The following SGCZ variants were observed in gnomAD, a reference collection of about 807,000 sequenced individuals.
The protein encoded by SGCZ is sarcoglycan zeta, also known as zeta-sarcoglycan.
SGCZ carries 40 observed loss-of-function variants against 41.3 expected under a neutral mutation model. The observed-to-expected ratio is 0.97, with a 90% CI of 0.75 to 1.26. SGCZ has a LOEUF of 1.26. Ranked by LOEUF, SGCZ falls within the 50% of genes most tolerant of loss-of-function variation. The pLI, the probability that SGCZ is intolerant of heterozygous loss-of-function variation, is 0.00. For synonymous variants in SGCZ, 206 were observed against 137.5 expected (o/e 1.50, Z -3.49); for missense variants, 552 against 369.8 (o/e 1.49, Z -4.04).
chr8:14,666,528 C>A (rs978644122), intron 1 of SGCZ, among the ~76,000 whole-genome samples: 1 of 152,114 alleles, frequency 6.6e-6, no homozygotes, highest in African/African-American at 2.4e-5. Context: ...CAAATAATAT[C>A]TCAATTACAT....
At chr8:14,364,110 T>C (rs1410284261) in intron 2 of SGCZ, among the ~76,000 whole-genome samples, 1 of 152,180 alleles carries the variant, frequency 6.6e-6, no homozygotes. Context: ...AAATATATAG[T>C]GTAGTTTATT....
chr8:14,713,513 C>G (rs1192845042), intron 1 of SGCZ, among the ~76,000 whole-genome samples: 1 of 152,132 alleles, frequency 6.6e-6, no homozygotes, highest in Non-Finnish European at 1.5e-5. Context: ...AACTGACTCA[C>G]ACTTTACACG....
At chr8:14,915,097 C>T (rs1334704411) in intron 1 of SGCZ, among the ~76,000 whole-genome samples, 1 of 151,984 alleles carries the variant, frequency 6.6e-6, no homozygotes, top group East Asian at 1.9e-4. Flanking sequence ...CTTTTTCTAC[C>T]CTCTTTCATG....
chr8:15,069,618 A>T (rs982482427), intron 1 of SGCZ, among the ~76,000 whole-genome samples: 1 of 152,218 alleles, frequency 6.6e-6, no homozygotes, highest in Non-Finnish European at 1.5e-5. Flanking sequence ...AGTTCTGATC[A>T]TGGTAGCCTA....
intron 1 of SGCZ, among the ~76,000 whole-genome samples, chr8:14,673,465 A>ACTCT (rs142795356): frequency 7.5e-6 from 1 of 133,844 alleles, no homozygotes; most frequent in Non-Finnish European, 1.6e-5. Context: ...TCTCTCTCTC[A>ACTCT]CTCTCTCTCT....
At chr8:15,101,285 T>C (rs1478865490) in intron 1 of SGCZ, among the ~76,000 whole-genome samples, 1 of 151,992 alleles carries the variant, frequency 6.6e-6, no homozygotes, top group Non-Finnish European at 1.5e-5. Context: ...TAGACACTGG[T>C]AAAGGAATGA....
chr8:14,641,776 T>C (rs78883306), intron 1 of SGCZ, among the ~76,000 whole-genome samples: 5,609 of 151,624 alleles, frequency 0.037, 143 homozygotes, highest in Middle Eastern at 0.082. Context: ...TATGGGCTAG[T>C]AAAACTGTAG....
At chr8:15,094,317 T>C (rs1046778855) in intron 1 of SGCZ, among the ~76,000 whole-genome samples, 1 of 152,078 alleles carries the variant, frequency 6.6e-6, no homozygotes, top group Non-Finnish European at 1.5e-5. Context: ...GTATCTTTAG[T>C]AGAGACTGCA....
In SGCZ at chr8:14,633,581, C is replaced by T. The variant is rs116646765; in HGVS notation, c.40-78655G>A. 8.8e-3 allele frequency among the ~76,000 whole-genome samples: 1,336 copies of T among 151,976 alleles called. 19 individuals carry two copies. Among genetic ancestry groups the T allele is most frequent in the African/African-American group, 0.03 (1,266 of 41,526 alleles). ...ATTACAGGAACTATATTTTACACAA[C>T]TTTCTGGGTGTAGGGAAATCCACTG... On this transcript the variant is annotated intron_variant, in intron 1 of 7. Transcript: ENST00000382080.
chr8:14,599,453 C>T (rs1486155724), intron 1 of SGCZ, among the ~76,000 whole-genome samples: 1 of 152,140 alleles, frequency 6.6e-6, no homozygotes, highest in African/African-American at 2.4e-5. Context: ...GACTGGTCTC[C>T]CATTAATTTC....
chr8:14,735,992 G>C (rs1201344797), intron 1 of SGCZ, among the ~76,000 whole-genome samples: 1 of 152,072 alleles, frequency 6.6e-6, no homozygotes, highest in Admixed American at 6.6e-5. Context: ...GTGTAAATGA[G>C]TATGGAGATT....
intron 3 of SGCZ, among the ~76,000 whole-genome samples, chr8:14,247,545 C>G (rs1278333814): frequency 3.3e-5 from 5 of 152,192 alleles, no homozygotes; most frequent in Admixed American, 1.3e-4. Context: ...GGGAATAGTA[C>G]TATCTCTATC....
chr8:14,890,302 A>G (rs1247882958), intron 1 of SGCZ, among the ~76,000 whole-genome samples: 2 of 152,136 alleles, frequency 1.3e-5, no homozygotes, highest in African/African-American at 4.8e-5. Flanking sequence ...GAAAGAAACG[A>G]AAGAAAAGAA....
chr8:14,673,827 A>T (rs577451115), intron 1 of SGCZ, among the ~76,000 whole-genome samples: 3 of 152,174 alleles, frequency 2.0e-5, no homozygotes, highest in Non-Finnish European at 4.4e-5. Context: ...TAGGCCCTAA[A>T]ATTAATGCAA....
At chr8:14,501,362 C>T (rs1186114410) in intron 2 of SGCZ, among the ~76,000 whole-genome samples, 3 of 151,924 alleles carry the variant, frequency 2.0e-5, no homozygotes. Context: ...CTAACATAGT[C>T]ACAGTTTCTG....
intron 1 of SGCZ, among the ~76,000 whole-genome samples, chr8:15,073,334 C>T (rs918119545): frequency 2.6e-5 from 4 of 151,930 alleles, no homozygotes; most frequent in Non-Finnish European, 5.9e-5. Flanking sequence ...TTTTATTTTC[C>T]GAGTTGCTGA....
chr8:14,892,282 G>C lies in SGCZ; in HGVS notation c.40-337356C>G, dbSNP rs115783184. Among the ~76,000 whole-genome samples the C allele has an allele frequency of 9.0e-3, 1,367 of 152,210 alleles. 15 individuals are homozygous for C. Among genetic ancestry groups the C allele is most frequent in the African/African-American group, 0.031 (1,278 of 41,522 alleles). On this transcript the variant is annotated intron_variant, in intron 1 of 7. Transcript: ENST00000382080. The stretch of plus-strand genomic sequence containing the variant: ...CATCAGGATATATCTGCTGAGTGTA[G>C]GGGATATCGCAACATACCTCATTCC...
chr8:14,432,796 C>A (rs10095822), intron 2 of SGCZ, among the ~76,000 whole-genome samples: 3,552 of 151,818 alleles, frequency 0.023, 86 homozygotes, highest in African/African-American at 0.049. Context: ...CAACTGCAGT[C>A]CCAGCTACTT....
At chr8:15,133,956 T>C (rs1054731236) in intron 1 of SGCZ, among the ~76,000 whole-genome samples, 2 of 152,184 alleles carry the variant, frequency 1.3e-5, no homozygotes. Context: ...TTTTTAATAT[T>C]ATCAATGAAA....
Sources: allele counts gnomAD v4.1 joint callset (sites outside exome capture counted in the v4.1 genomes callset), GRCh38; gene constraint gnomAD v4.1.1; transcripts MANE v1.5; gene names NCBI Gene and HGNC (gene_info 2026-07-23, HGNC 2026-07-21).